SPRY4: variants seen among roughly 807,000 people sequenced by gnomAD.
SPRY4 encodes protein sprouty homolog 4.
Under a neutral mutation model 17.0 loss-of-function variants are expected in SPRY4, and 7 were observed. The observed-to-expected ratio is 0.41, with a 90% CI of 0.23 to 0.77. SPRY4 has a LOEUF of 0.77. Ranked by LOEUF, SPRY4 falls within the 30% of genes least tolerant of loss-of-function variation. SPRY4 has a pLI of 0.32. For missense variants in SPRY4, 435 were observed against 419.9 expected, an observed-to-expected ratio of 1.04 and a Z score of -0.31; for synonymous variants, 183 against 174.1, an observed-to-expected ratio of 1.05 and a Z score of -0.40.
At chr5:142,324,211 G>A (rs991822986) in intron 1 of SPRY4, 1 of 152,356 alleles carries the variant, frequency 6.6e-6, no homozygotes, top group Non-Finnish European at 1.5e-5. Flanking sequence ...GTCAGACGGC[G>A]AGGAACCGCC....
intron 1 of SPRY4, among the ~76,000 whole-genome samples, chr5:142,316,430 A>T (rs1406533505): frequency 4.6e-5 from 7 of 152,142 alleles, no homozygotes; most frequent in South Asian, 4.1e-4. Context: ...GAAGGCCAAG[A>T]CCTCTGCTCA....
chr5:142,321,813 A>G (rs774695793), intron 1 of SPRY4, among the ~76,000 whole-genome samples: 3 of 152,218 alleles, frequency 2.0e-5, no homozygotes, highest in Non-Finnish European at 2.9e-5. Context: ...GGCCCTCATC[A>G]ACAGGATAGC....
At chr5:142,315,421 G>A in intron 1 of SPRY4, 1 of 410,156 alleles carries the variant, frequency 2.4e-6, no homozygotes, top group Non-Finnish European at 4.3e-6. Flanking sequence ...TTCATGATAA[G>A]CCTAAAACGT....
In SPRY4 at chr5:142,314,549, A is replaced by G; in HGVS notation, c.560T>C (p.Leu187Pro). 1 of 1,614,244 alleles carries G rather than the reference A, an allele frequency of 6.2e-7. No homozygotes were observed. The highest frequency in any genetic ancestry group is 2.2e-5 in the East Asian group (1 of 44,890). ...GTTGACCAGAGTCTGGGCTGAGCACAGGCACTCCTGGTTGCAGACCCAGCA... is the reference window on the plus strand; with the variant it reads ...GTTGACCAGAGTCTGGGCTGAGCACGGGCACTCCTGGTTGCAGACCCAGCA... ...PSCWVCNQECLCSAQTLVNYG... is the reference protein window; with the variant it reads ...PSCWVCNQECPCSAQTLVNYG... Residue 187 changes from leucine to proline, a missense_variant, in exon 2 of 2, where the codon CTG becomes CCG. Physicochemically the swap from Leu to Pro is moderately conservative, Grantham distance 98. Coordinates refer to ENST00000434127, the MANE Select transcript of SPRY4 (RefSeq NM_001127496.3). The surrounding 1 kb of genome is among the most constrained non-coding windows in gnomAD (Gnocchi z 4.8).
chr5:142,318,154 C>G, intron 1 of SPRY4: 8 of 984,038 alleles, frequency 8.1e-6, no homozygotes, highest in Non-Finnish European at 8.4e-6. Context: ...CTCAGCACAG[C>G]TAAATGATGT....
At chr5:142,318,207 T>C (rs1032466854) in intron 1 of SPRY4, 2 of 949,120 alleles carry the variant, frequency 2.1e-6, no homozygotes, top group Admixed American at 6.2e-5. Context: ...AAAGAAGGCC[T>C]GGCGCAGTGG....
At chr5:142,315,757 C>G (rs914444201) in intron 1 of SPRY4, 1 of 152,468 alleles carries the variant, frequency 6.6e-6, no homozygotes, top group Non-Finnish European at 1.5e-5. Context: ...TGAGAAAATA[C>G]TATCTATTAC....
At chr5:142,322,189 A>T (rs914260613) in intron 1 of SPRY4, among the ~76,000 whole-genome samples, 1 of 152,174 alleles carries the variant, frequency 6.6e-6, no homozygotes, top group Non-Finnish European at 1.5e-5. Context: ...GATAAAAATG[A>T]CATATGAGGC....
intron 1 of SPRY4, among the ~76,000 whole-genome samples, chr5:142,323,517 T>C (rs1759422157): frequency 6.6e-6 from 1 of 152,184 alleles, no homozygotes; most frequent in South Asian, 2.1e-4. Context: ...CTTGGCAATA[T>C]GGATGCCCCT....
chr5:142,318,274 C>A, intron 1 of SPRY4: 3 of 725,798 alleles, frequency 4.1e-6, no homozygotes, highest in Non-Finnish European at 5.1e-6. Flanking sequence ...CACTTGAGGT[C>A]AGGAGTTCAA....
At chr5:142,318,175 A>C in intron 1 of SPRY4, 1 of 985,308 alleles carries the variant, frequency 1.0e-6, no homozygotes, top group Non-Finnish European at 1.2e-6. Flanking sequence ...CTCAAAAAAA[A>C]AAAGAAAGAA....
At chr5:142,321,995 TCTCTTAACTTTTATATCA>T (rs1250230352) in intron 1 of SPRY4, among the ~76,000 whole-genome samples, 2 of 152,224 alleles carry the variant, frequency 1.3e-5, no homozygotes, top group African/African-American at 4.8e-5. Context: ...GTTTTATTCC[TCTCTTAACTTTTATATCA>T]CTGATTTTCA....
chr5:142,319,760 G>A (rs1759282476), intron 1 of SPRY4: 1 of 1,612,686 alleles, frequency 6.2e-7, no homozygotes, highest in Non-Finnish European at 8.5e-7. Context: ...GGAGGGGGCT[G>A]AGCATCAGGC....
intron 1 of SPRY4, among the ~76,000 whole-genome samples, chr5:142,316,659 A>G (rs192228338): frequency 6.6e-6 from 1 of 152,320 alleles, no homozygotes; most frequent in African/African-American, 2.4e-5. Context: ...CGATGTTCTA[A>G]TTAGGAGAGC....
intron 1 of SPRY4, chr5:142,315,417 A>G (rs1759117655): frequency 2.4e-6 from 1 of 425,234 alleles, no homozygotes; most frequent in Non-Finnish European, 4.2e-6. Context: ...TGACTTCATG[A>G]TAAGCCTAAA....
chr5:142,317,378 A>G (rs2126993435), intron 1 of SPRY4: 1 of 985,422 alleles, frequency 1.0e-6, no homozygotes, highest in Non-Finnish European at 1.2e-6. Context: ...CTAAGAATTA[A>G]AAATGCCACG....
At chr5:142,317,713 T>C (rs557941942) in intron 1 of SPRY4, 563 of 984,942 alleles carry the variant, frequency 5.7e-4, no homozygotes, top group Non-Finnish European at 6.6e-4. Flanking sequence ...GAAATTTTAA[T>C]AGGCCTTGGA....
In SPRY4 at chr5:142,311,763, G is replaced by A. The variant is rs1758920785; in HGVS notation, c.*2446C>T. The stretch of plus-strand genomic sequence containing the variant: ...TCTGCAGACATCCATCAAGCAGGTT[G>A]AAAGCAAACCAAGAAGAACAAGCTA... On this transcript the variant is annotated 3_prime_UTR_variant, in exon 2 of 2. Transcript: ENST00000434127. The A allele has an allele frequency of 6.6e-6, 1 of 152,532 alleles. No homozygotes were observed. The highest frequency in any genetic ancestry group is 2.1e-4 in the South Asian group (1 of 4,822). 9.4% of individuals were successfully genotyped at this position (152,532 alleles called of 1,614,324 possible).
chr5:142,318,067 G>T (rs1759218160), intron 1 of SPRY4: 3 of 984,958 alleles, frequency 3.0e-6, no homozygotes, highest in Non-Finnish European at 3.6e-6. Context: ...CACCAGCAGG[G>T]ACCCTCCAAG....
Sources: gnomAD v4.1 joint callset for allele counts (sites outside exome capture counted in the v4.1 genomes callset) on GRCh38, gnomAD v4.1.1 for gene constraint, Gnocchi (gnomAD v3.1) non-coding constraint, MANE v1.5 for transcripts, NCBI Gene and HGNC (gene_info 2026-07-23, HGNC 2026-07-21) for gene names.